The following CDK2AP1 variants were observed in gnomAD, a reference collection of about 807,000 sequenced individuals.
CDK2AP1 encodes the protein cyclin-dependent kinase 2-associated protein 1.
Under a neutral mutation model 14.1 loss-of-function variants are expected in CDK2AP1, and 10 were observed. The ratio of observed to expected loss-of-function variants is 0.71; its 90% confidence interval spans 0.44 to 1.20. The LOEUF (loss-of-function observed/expected upper bound fraction) is 1.20, where lower values mean the gene tolerates loss of function less well. Among genes scored for constraint, CDK2AP1 ranks in the 50% most tolerant of loss-of-function variants. The pLI, the probability that CDK2AP1 is intolerant of heterozygous loss-of-function variation, is 0.00. For missense variants in CDK2AP1, 102 were observed against 149.9 expected (o/e 0.68, Z 1.67); for synonymous variants, 59 against 59.8 (o/e 0.99, Z 0.06).
chr12:123,268,823 A>G (rs747937072), intron 1 of CDK2AP1, among the ~76,000 whole-genome samples: 1 of 152,200 alleles, frequency 6.6e-6, no homozygotes, highest in Non-Finnish European at 1.5e-5. Flanking sequence ...GAGCCCCCTA[A>G]CTACATCAGC....
At chr12:123,266,491 C>T (rs2048296139) in intron 2 of CDK2AP1, among the ~76,000 whole-genome samples, 1 of 152,258 alleles carries the variant, frequency 6.6e-6, no homozygotes, top group South Asian at 2.1e-4. Flanking sequence ...GTGCTGGGGC[C>T]CAGCCAGGGA....
intron 1 of CDK2AP1, chr12:123,271,272 C>A (rs1182265898): frequency 6.6e-6 from 1 of 151,036 alleles, no homozygotes. Flanking sequence ...AAGCCTCCCC[C>A]GCCCTCGCCC....
At chr12:123,270,475 G>T (rs1472268305) in intron 1 of CDK2AP1, among the ~76,000 whole-genome samples, 1 of 152,114 alleles carries the variant, frequency 6.6e-6, no homozygotes, top group African/African-American at 2.4e-5. Flanking sequence ...GACCAACGGG[G>T]CCACTCCTCT....
chr12:123,264,905 AC>A (rs1008980846), intron 3 of CDK2AP1, among the ~76,000 whole-genome samples: 35 of 151,890 alleles, frequency 2.3e-4, no homozygotes, highest in African/African-American at 8.2e-4. Flanking sequence ...CTTCGAACAC[AC>A]CCTTGAAAGC....
At chr12:123,270,333 C>G (rs775442653) in intron 1 of CDK2AP1, 14 of 213,060 alleles carry the variant, frequency 6.6e-5, no homozygotes, top group Admixed American at 1.3e-4. Flanking sequence ...CTTTCCTGCC[C>G]CTACACCTCA....
At chr12:123,264,612 C>G (rs1042447454) in intron 3 of CDK2AP1, among the ~76,000 whole-genome samples, 17 of 152,024 alleles carry the variant, frequency 1.1e-4, no homozygotes, top group African/African-American at 4.1e-4. Context: ...AAGGTAGCAA[C>G]CTATTTAACG....
chr12:123,266,347 C>T (rs1415253107), intron 2 of CDK2AP1, among the ~76,000 whole-genome samples: 2 of 152,276 alleles, frequency 1.3e-5, no homozygotes, highest in African/African-American at 2.4e-5. Context: ...CTCCCACAGC[C>T]ACCGCTTCTT....
chr12:123,267,357 C>G, intron 1 of CDK2AP1, 75 bp from the exon 2 acceptor site: 1 of 869,646 alleles, frequency 1.1e-6, no homozygotes, highest in Non-Finnish European at 2.0e-6. Flanking sequence ...GGTCCTGCAA[C>G]AGCCCTTGCC....
Position 123,265,232 on chromosome 12 carries a change from C to G in CDK2AP1, c.244G>C (p.Ala82Pro). 1 of 1,614,178 alleles carries G rather than the reference C, an allele frequency of 6.2e-7. No homozygotes were observed. The highest frequency in any genetic ancestry group is 2.2e-5 in the East Asian group (1 of 44,888). The change falls in exon 3 of 4, where the codon GCA (alanine) becomes CCA (proline). Residue 82 changes from alanine to proline, a missense_variant. By Grantham distance (27) the Ala-to-Pro change is conservative (BLOSUM62 -1). Coordinates refer to ENST00000261692, the MANE Select transcript of CDK2AP1 (RefSeq NM_004642.4). This position sits in a 1 kb window ranked among gnomAD's most constrained non-coding sequence, Gnocchi z 5.3. ...ELGKEIRPTY[A>P]GSKSAMERLK... The stretch of plus-strand genomic sequence containing the variant: ...CTCTCCATGGCACTCTTGCTCCCTG[C>G]GTACGTGGGTCTGATCTCCTTCCCC...
chr12:123,262,499 C>G (rs537519260), intron 3 of CDK2AP1: 1 of 152,234 alleles, frequency 6.6e-6, no homozygotes, highest in Non-Finnish European at 1.5e-5. Flanking sequence ...TAACTCAGAG[C>G]CTTGGAGAAT....
intron 2 of CDK2AP1, among the ~76,000 whole-genome samples, 154 bp downstream of exon 2, chr12:123,267,031 G>A (rs2048304255): frequency 6.6e-6 from 1 of 152,202 alleles, no homozygotes; most frequent in African/African-American, 2.4e-5. Context: ...ACTCTGATGT[G>A]TTCTGAGCAG....
Position 123,261,335 on chromosome 12 carries a change from T to TGC in CDK2AP1, c.*399_*400dup. The TGC allele has an allele frequency of 5.9e-6, 1 of 168,250 alleles. No homozygotes were observed. Among genetic ancestry groups the TGC allele is most frequent in the Admixed American group, 6.0e-5 (1 of 16,756 alleles). 10.4% of individuals were successfully genotyped at this position (168,250 alleles called of 1,614,324 possible). On this transcript the variant is annotated 3_prime_UTR_variant, in exon 4 of 4. Transcript: ENST00000261692. ...TACTAAGTAAAGCGTGCTGTCAATA[T>TGC]GCGTTCAAAACAAAATCCCTACAGT...
At position 123,261,040 on chromosome 12, in the gene CDK2AP1, AATAC is replaced by A. The variant is rs1227102557; in HGVS notation, c.*692_*695del. The A allele has an allele frequency of 3.9e-5, 6 of 152,554 alleles. No individual in the cohort carries two copies. Among genetic ancestry groups the A allele is most frequent in the Non-Finnish European group, 8.8e-5 (6 of 68,044 alleles). 9.5% of individuals were successfully genotyped at this position (152,554 alleles called of 1,614,324 possible). A position where few individuals can be genotyped will look rare whatever the true frequency, so the allele number is the denominator to read the frequency against. ...ATAAGCTTTATTACATCAAGTAATA[AATAC>A]ATACAAAGATGCAAACAGTTTTAGT... On this transcript the variant is annotated 3_prime_UTR_variant, in exon 4 of 4. Transcript: ENST00000261692.
At chr12:123,268,144 A>G in intron 1 of CDK2AP1, 1 of 968,944 alleles carries the variant, frequency 1.0e-6, no homozygotes, top group Non-Finnish European at 1.2e-6. Flanking sequence ...AGAATGACAA[A>G]CAGCGGTAAC....
rs999313298 is a variant in CDK2AP1 at position 123,265,927 on chromosome 12, C to G, written c.154-605G>C. On this transcript the variant is annotated intron_variant, in intron 2 of 3. Coordinates refer to ENST00000261692, the MANE Select transcript of CDK2AP1 (RefSeq NM_004642.4). This position sits in a 1 kb window ranked among gnomAD's most constrained non-coding sequence, Gnocchi z 5.3. The stretch of plus-strand genomic sequence containing the variant: ...ACCACAGCGATCCGCCATGGCCCAG[C>G]CAGAGCCTGGAATGCATTCCCTTCT... Among the ~76,000 whole-genome samples, 7 of 152,146 alleles carry G rather than the reference C, an allele frequency of 4.6e-5. No homozygotes were observed. Among genetic ancestry groups the G allele is most frequent in the African/African-American group, 1.4e-4 (6 of 41,428 alleles).
At chr12:123,262,716 T>C (rs1241924228) in intron 3 of CDK2AP1, among the ~76,000 whole-genome samples, 1 of 152,150 alleles carries the variant, frequency 6.6e-6, no homozygotes, top group Non-Finnish European at 1.5e-5. Flanking sequence ...GCTGGGACTA[T>C]AGGCACGCAC....
rs2048238171 is a variant in CDK2AP1, at chr12:123,262,061, G to A, written c.281-258C>T. 2.6e-5 allele frequency: 10 copies of A among 385,726 alleles called. No homozygotes were observed. The South Asian group carries it at 5.4e-4, about 21-fold the overall frequency. The allele number at this position is 385,726 out of a possible 1,614,324, so 23.9% of individuals were successfully genotyped here. ...TCCTGCATTCAAGGTGCACCAGCAA[G>A]CTGTCCTTCCACGACACTGTTGGAT... On this transcript the variant is annotated intron_variant, in intron 3 of 3. Coordinates refer to ENST00000261692, the MANE Select transcript of CDK2AP1 (RefSeq NM_004642.4).
chr12:123,270,671 T>C (rs147866681), intron 1 of CDK2AP1, among the ~76,000 whole-genome samples: 84 of 152,226 alleles, frequency 5.5e-4, no homozygotes, highest in Non-Finnish European at 8.5e-4. Context: ...CGAAGCTGCC[T>C]GACAACTTCT....
At chr12:123,269,837 CTTGG>C (rs1329879398) in intron 1 of CDK2AP1, among the ~76,000 whole-genome samples, 6 of 151,934 alleles carry the variant, frequency 3.9e-5, no homozygotes, top group Non-Finnish European at 8.8e-5. Flanking sequence ...GAGAGTCCAT[CTTGG>C]ATGCAAATGG....
Sources: allele counts gnomAD v4.1 joint callset (sites outside exome capture counted in the v4.1 genomes callset), GRCh38; gene constraint gnomAD v4.1.1; non-coding constraint Gnocchi (gnomAD v3.1); transcripts MANE v1.5; gene names NCBI Gene and HGNC (gene_info 2026-07-23, HGNC 2026-07-21).